MYO3A: variants seen among roughly 807,000 people sequenced by gnomAD.
MYO3A encodes the protein myosin-IIIa.
Under a neutral mutation model 192.7 loss-of-function variants are expected in MYO3A, and 180 were observed. The ratio of observed to expected loss-of-function variants is 0.93; its 90% CI spans 0.83 to 1.06. The LOEUF is 1.06. MYO3A is among the 50% of genes least tolerant of loss of function. MYO3A has a pLI of 0.00. For missense variants in MYO3A, 1,896 were observed against 1,905.0 expected (o/e 1.00, Z 0.09); for synonymous variants, 628 against 645.3 (o/e 0.97, Z 0.41).
intron 10 of MYO3A, among the ~76,000 whole-genome samples, chr10:26,042,599 A>G (rs769747767): frequency 2.0e-5 from 3 of 152,076 alleles, no homozygotes; most frequent in Non-Finnish European, 2.9e-5. Context: ...GTTAAATCTG[A>G]TGCATTCTTC....
chr10:26,035,807 T>G (rs1237724723), intron 10 of MYO3A, among the ~76,000 whole-genome samples: 1 of 152,228 alleles, frequency 6.6e-6, no homozygotes, highest in Non-Finnish European at 1.5e-5. Context: ...TTGAGCCACT[T>G]TGTATGGTTT....
intron 10 of MYO3A, among the ~76,000 whole-genome samples, chr10:26,056,909 A>G (rs1395868174): frequency 6.6e-6 from 1 of 152,164 alleles, no homozygotes; most frequent in Non-Finnish European, 1.5e-5. Flanking sequence ...TGATGGTGTC[A>G]TTGACTGAGG....
intron 3 of MYO3A, among the ~76,000 whole-genome samples, chr10:25,954,469 A>G (rs1364046457): frequency 6.6e-6 from 1 of 152,038 alleles, no homozygotes; most frequent in African/African-American, 2.4e-5. Context: ...TAAATATCCT[A>G]TTTTCCAAAG....
chr10:26,081,133 T>TCCCCCCC lies in MYO3A; in HGVS notation c.1360-7064_1360-7058dup, dbSNP rs60099269. ...TAGAATTCCCAAGATTATATGCCCT[T>TCCCCCCC]CCCCCCCCCCCCGCCCCCGCTACCA... On this transcript the variant is annotated intron_variant, in intron 14 of 34. Coordinates refer to ENST00000642920, the MANE Select transcript of MYO3A (RefSeq NM_017433.5). Among the ~76,000 whole-genome samples, 53 of 84,952 alleles carry TCCCCCCC rather than the reference T, an allele frequency of 6.2e-4. 5 individuals carry two copies. The highest frequency in any genetic ancestry group is 1.1e-3 in the Admixed American group (9 of 8,032). 55.7% of individuals were successfully genotyped at this position (84,952 alleles called of 152,430 possible). A position where few individuals can be genotyped will look rare whatever the true frequency, so the allele number is the denominator to read the frequency against.
chr10:26,141,748 G>T (rs114111773), intron 20 of MYO3A, among the ~76,000 whole-genome samples: 1 of 152,070 alleles, frequency 6.6e-6, no homozygotes, highest in Non-Finnish European at 1.5e-5. Context: ...TCAAGTCATC[G>T]TTTTCATTTT....
chr10:26,010,167 A>C (rs752787773), intron 6 of MYO3A, among the ~76,000 whole-genome samples: 1 of 152,116 alleles, frequency 6.6e-6, no homozygotes, highest in Non-Finnish European at 1.5e-5. Flanking sequence ...ATATGAACTA[A>C]GTTTTAAAGA....
chr10:26,014,836 C>T (rs1041451821), intron 6 of MYO3A, among the ~76,000 whole-genome samples: 1 of 152,112 alleles, frequency 6.6e-6, no homozygotes, highest in African/African-American at 2.4e-5. Flanking sequence ...TCTCTCTGCT[C>T]TATTGAGATG....
intron 14 of MYO3A, 114 bp downstream of exon 14, chr10:26,070,515 T>A (rs1464376577): frequency 4.2e-6 from 4 of 952,114 alleles, no homozygotes; most frequent in African/African-American, 3.3e-5. Context: ...TGTACAGAAA[T>A]TTTAAAATAC....
intron 3 of MYO3A, among the ~76,000 whole-genome samples, chr10:25,952,484 T>C (rs1027516520): frequency 2.0e-5 from 3 of 152,162 alleles, no homozygotes; most frequent in African/African-American, 7.2e-5. Context: ...AAGTACTTGA[T>C]GAATAAATGC....
At chr10:25,964,250 C>T (rs1838124805) in intron 4 of MYO3A, among the ~76,000 whole-genome samples, 1 of 152,004 alleles carries the variant, frequency 6.6e-6, no homozygotes, top group Non-Finnish European at 1.5e-5. Flanking sequence ...ACAATAATAC[C>T]TTTAAAATAC....
At chr10:26,081,927 C>T (rs955743927) in intron 14 of MYO3A, among the ~76,000 whole-genome samples, 5 of 152,130 alleles carry the variant, frequency 3.3e-5, no homozygotes, top group Non-Finnish European at 4.4e-5. Flanking sequence ...GAGGGTCTCC[C>T]GGGTCCTGCA....
At chr10:26,008,415 G>A (rs1446912197) in intron 6 of MYO3A, among the ~76,000 whole-genome samples, 6 of 148,474 alleles carry the variant, frequency 4.0e-5, no homozygotes, top group Non-Finnish European at 7.4e-5. Context: ...CTTCTGCACA[G>A]CAAAAGAAAC....
chr10:26,062,530 A>AAAAAAAAAAAAAAAACAAAAACG (rs1554816581), intron 10 of MYO3A, among the ~76,000 whole-genome samples: 4 of 125,946 alleles, frequency 3.2e-5, no homozygotes, highest in African/African-American at 1.1e-4. Flanking sequence ...AAAAAAAAAA[A>AAAAAAAAAAAAAAAACAAAAACG]AAATTATGGA....
chr10:26,101,859 C>G (rs1016408280), intron 17 of MYO3A, among the ~76,000 whole-genome samples: 1 of 152,162 alleles, frequency 6.6e-6, no homozygotes, highest in African/African-American at 2.4e-5. Context: ...CTTGGTGAAT[C>G]TGACAATTAT....
intron 4 of MYO3A, among the ~76,000 whole-genome samples, chr10:25,966,651 C>T (rs1055658543): frequency 2.6e-5 from 4 of 152,128 alleles, no homozygotes; most frequent in Non-Finnish European, 5.9e-5. Context: ...AAAGGAATCT[C>T]AATATCTTGA....
chr10:26,197,242 A>G (rs959837973), intron 32 of MYO3A, among the ~76,000 whole-genome samples: 1 of 152,208 alleles, frequency 6.6e-6, no homozygotes, highest in Non-Finnish European at 1.5e-5. Context: ...TTAAGAAAAC[A>G]AGAACTAGGG....
At chr10:25,965,010 C>T (rs544037834) in intron 4 of MYO3A, among the ~76,000 whole-genome samples, 66 of 152,244 alleles carry the variant, frequency 4.3e-4, no homozygotes, top group Middle Eastern at 3.4e-3. Context: ...TTTCTTTTCT[C>T]TTGCTGCTTT....
intron 5 of MYO3A, 60 bp from the exon 6 acceptor site, chr10:25,997,099 T>A: frequency 7.4e-7 from 1 of 1,359,310 alleles, no homozygotes; most frequent in Non-Finnish European, 1.1e-6. Context: ...GTACATCATC[T>A]GAAAATTTTT....
chr10:26,044,517 T>C (rs1843529444), intron 10 of MYO3A, among the ~76,000 whole-genome samples: 1 of 152,212 alleles, frequency 6.6e-6, no homozygotes, highest in Admixed American at 6.5e-5. Flanking sequence ...TGGGTGAGTG[T>C]CAGCTGAGTT....
Sources: gnomAD v4.1 joint callset for allele counts (sites outside exome capture counted in the v4.1 genomes callset) on GRCh38, gnomAD v4.1.1 for gene constraint, MANE v1.5 for transcripts, NCBI Gene and HGNC (gene_info 2026-07-23, HGNC 2026-07-21) for gene names.